Variants in NET1 observed in about 807,000 individuals in gnomAD.
NET1 encodes the protein neuroepithelial cell-transforming gene 1 protein.
Under a neutral mutation model 61.1 loss-of-function variants are expected in NET1, and 42 were observed. The observed-to-expected ratio is 0.69, with a 90% CI of 0.54 to 0.89. The LOEUF (loss-of-function observed/expected upper bound fraction) is 0.89, where lower values mean the gene tolerates loss of function less well. Among genes scored for constraint, NET1 ranks in the 40% least tolerant of loss-of-function variants. NET1 has a pLI of 0.00. For missense variants in NET1, 654 were observed against 747.3 expected (o/e 0.88, Z 1.46); for synonymous variants, 254 against 281.8 (o/e 0.90, Z 0.99).
Position 5,454,799 on chromosome 10 carries a change from TA to T in NET1, c.1027-145del. On this transcript the variant is annotated intron_variant, in intron 9 of 11. Transcript: ENST00000355029. This position sits in a 1 kb window ranked among gnomAD's most constrained non-coding sequence, Gnocchi z 8.1. ...TTGGCTAGGACTGTTTCTTGATCTA[TA>T]AAATGAACAGACTGGCAGAATTAAC... 2 of 796,752 alleles carry T rather than the reference TA, an allele frequency of 2.5e-6. No homozygotes were observed. Among genetic ancestry groups the T allele is most frequent in the Non-Finnish European group, 3.9e-6 (2 of 510,702 alleles). 49.4% of individuals were successfully genotyped at this position (796,752 alleles called of 1,614,324 possible).
At chr10:5,414,892 C>T (rs992517471) in intron 1 of NET1, among the ~76,000 whole-genome samples, 4 of 152,140 alleles carry the variant, frequency 2.6e-5, no homozygotes, top group Non-Finnish European at 5.9e-5. Context: ...AGGACTTTCC[C>T]ACCAGGCCTC....
chr10:5,414,905 T>A (rs558585610), intron 1 of NET1, among the ~76,000 whole-genome samples: 1 of 152,326 alleles, frequency 6.6e-6, no homozygotes, highest in South Asian at 2.1e-4. Flanking sequence ...CAGGCCTCTA[T>A]TTTTTGTGTG....
rs764827482 is a variant in NET1, at chr10:5,455,305, A to T, written c.1197+187A>T. On this transcript the variant is annotated intron_variant, in intron 10 of 11. Coordinates refer to ENST00000355029, the MANE Select transcript of NET1 (RefSeq NM_001047160.3). This position sits in a 1 kb window ranked among gnomAD's most constrained non-coding sequence, Gnocchi z 6.5. The stretch of plus-strand genomic sequence containing the variant: ...AGATACCTTAAATGTCTCAGTGGAG[A>T]ATCAGTAATACTTTATTTTTTAGTT... Among the ~76,000 whole-genome samples, 10 of 152,220 alleles carry T rather than the reference A, an allele frequency of 6.6e-5. No individual in the cohort carries two copies. Among genetic ancestry groups the T allele is most frequent in the Non-Finnish European group, 1.2e-4 (8 of 68,038 alleles).
chr10:5,426,829 G>A lies in NET1; in HGVS notation c.195+108G>A. ...TGGTCCTTACTTCTGAGGGTCTTGA[G>A]GAACAGAATTCCTGTAACCATCTTT... On this transcript the variant is annotated intron_variant, in intron 2 of 11. Coordinates refer to ENST00000355029, the MANE Select transcript of NET1 (RefSeq NM_001047160.3). The surrounding 1 kb of genome is among the most constrained non-coding windows in gnomAD (Gnocchi z 4.6). The A allele has an allele frequency of 1.5e-6, 1 of 649,794 alleles. No homozygotes were observed. The highest frequency in any genetic ancestry group is 2.5e-6 in the Non-Finnish European group (1 of 406,668). 40.3% of individuals were successfully genotyped at this position (649,794 alleles called of 1,614,324 possible).
In NET1 at chr10:5,447,278, G is replaced by C. The variant is rs1234853562; in HGVS notation, c.256-4552G>C. Among the ~76,000 whole-genome samples the C allele has an allele frequency of 6.6e-6, 1 of 152,076 alleles. No individual in the cohort carries two copies. Among genetic ancestry groups the C allele is most frequent in the African/African-American group, 2.4e-5 (1 of 41,402 alleles). On this transcript the variant is annotated intron_variant, in intron 3 of 11. Transcript: ENST00000355029. The surrounding 1 kb of genome is among the most constrained non-coding windows in gnomAD (Gnocchi z 4.1). ...TGCAACTAAAGTTTAGTCTGACCTG[G>C]TGTGCATTTTTCTTCCATCTGATGA...
In NET1 at chr10:5,458,221, A is replaced by G. The variant is rs1263273254; in HGVS notation, c.*1227A>G. 7 of 152,224 alleles carry G rather than the reference A, an allele frequency of 4.6e-5. No homozygotes were observed. The allele number at this position is 152,224 out of a possible 1,614,324, so 9.4% of individuals were successfully genotyped here. A position where few individuals can be genotyped will look rare whatever the true frequency, so the allele number is the denominator to read the frequency against. On this transcript the variant is annotated 3_prime_UTR_variant, in exon 12 of 12. Coordinates refer to ENST00000355029, the MANE Select transcript of NET1 (RefSeq NM_001047160.3). This position sits in a 1 kb window ranked among gnomAD's most constrained non-coding sequence, Gnocchi z 4.5. The stretch of plus-strand genomic sequence containing the variant: ...CGTGGATTTAGTCATAAGATGGAAA[A>G]AGACTGGTGAATCTTTTATTACAAA...
At chr10:5,448,181 AT>A (rs1415719632) in intron 3 of NET1, among the ~76,000 whole-genome samples, 1 of 151,970 alleles carries the variant, frequency 6.6e-6, no homozygotes, top group Non-Finnish European at 1.5e-5. Flanking sequence ...GGTGCATACT[AT>A]TTTTTTTATT....
intron 2 of NET1, among the ~76,000 whole-genome samples, chr10:5,428,776 G>C (rs1832301128): frequency 6.7e-6 from 1 of 150,182 alleles, no homozygotes; most frequent in Admixed American, 6.6e-5. Flanking sequence ...AGGCTGGAGT[G>C]CAGTGGCGCA....
Position 5,452,885 on chromosome 10 carries a change from C to G in NET1, c.559C>G (p.Gln187Glu). The G allele has an allele frequency of 6.2e-7, 1 of 1,613,564 alleles. No homozygotes were observed. Among genetic ancestry groups the G allele is most frequent in the Non-Finnish European group, 8.5e-7 (1 of 1,179,664 alleles). ...AATATATGAAATGTCCCGAGGTGAACAGGATTTAATTGAGGATCTCAAACT... is the reference window on the plus strand; with the variant it reads ...AATATATGAAATGTCCCGAGGTGAAGAGGATTTAATTGAGGATCTCAAACT... Reference protein sequence around the residue: ...EAIYEMSRGEQDLIEDLKLAR... With the variant: ...EAIYEMSRGEEDLIEDLKLAR... Residue 187 changes from glutamine (Q) to glutamate (E), a missense_variant, in exon 6 of 12, where the codon CAG (glutamine) becomes GAG (glutamate). Gln to Glu is a conservative substitution (Grantham distance 29, BLOSUM62 2). Transcript: ENST00000355029. This position sits in a 1 kb window ranked among gnomAD's most constrained non-coding sequence, Gnocchi z 4.0.
Position 5,453,638 on chromosome 10 carries a change from G to T in NET1, c.768+78G>T. ...TGCAGTTTCTGATGAATATGAGACA[G>T]ATTTGATCCCACAACTCTGTTCTAC... On this transcript the variant is annotated intron_variant, in intron 8 of 11. Transcript: ENST00000355029. The surrounding 1 kb of genome is among the most constrained non-coding windows in gnomAD (Gnocchi z 4.9). The T allele has an allele frequency of 8.1e-7, 1 of 1,235,402 alleles. No individual in the cohort carries two copies. The highest frequency in any genetic ancestry group is 1.2e-6 in the Non-Finnish European group (1 of 836,778). 76.5% of individuals were successfully genotyped at this position (1,235,402 alleles called of 1,614,324 possible). A position where few individuals can be genotyped will look rare whatever the true frequency, so the allele number is the denominator to read the frequency against.
rs760521001 is a variant in NET1, at chr10:5,440,562, G to A, written c.256-11268G>A. ...TGTGCAGTCCGTAACTCTGATGGCT[G>A]ATCTCTGCATTTTCTCCTGGTGTGC... On this transcript the variant is annotated intron_variant, in intron 3 of 11. Coordinates refer to ENST00000355029, the MANE Select transcript of NET1 (RefSeq NM_001047160.3). The surrounding 1 kb of genome is among the most constrained non-coding windows in gnomAD (Gnocchi z 4.1). Among the ~76,000 whole-genome samples, 4 of 152,182 alleles carry A rather than the reference G, an allele frequency of 2.6e-5. No individual in the cohort carries two copies. The highest frequency in any genetic ancestry group is 4.4e-5 in the Non-Finnish European group (3 of 68,038).
At chr10:5,429,591 TG>T (rs1441487077) in intron 3 of NET1, among the ~76,000 whole-genome samples, 1 of 152,210 alleles carries the variant, frequency 6.6e-6, no homozygotes, top group East Asian at 1.9e-4. Flanking sequence ...TGTCAAAACC[TG>T]GATTTTTATG....
At position 5,437,454 on chromosome 10, in the gene NET1, CATATTAAA is replaced by C. The variant is rs1832454978; in HGVS notation, c.255+8227_255+8234del. Among the ~76,000 whole-genome samples, 1 of 151,956 alleles carries C rather than the reference CATATTAAA, an allele frequency of 6.6e-6. No homozygotes were observed. Among genetic ancestry groups the C allele is most frequent in the Non-Finnish European group, 1.5e-5 (1 of 67,968 alleles). On this transcript the variant is annotated intron_variant, in intron 3 of 11. Transcript: ENST00000355029. The surrounding 1 kb of genome is among the most constrained non-coding windows in gnomAD (Gnocchi z 4.3). Reference sequence around the variant, plus strand: ...ATTTTTGTATATTTCTAATTTTTTTCATATTAAAAACAGTGCTGTACTTTACCTTCTGG... The same window carrying C: ...ATTTTTGTATATTTCTAATTTTTTTCAACAGTGCTGTACTTTACCTTCTGG...
rs1322080495 is a variant in NET1, at chr10:5,415,294, T to C, written c.128+2474T>C. 6.6e-6 allele frequency among the ~76,000 whole-genome samples: 1 copy of C among 152,160 alleles called. No individual in the cohort carries two copies. Among genetic ancestry groups the C allele is most frequent in the Non-Finnish European group, 1.5e-5 (1 of 68,012 alleles). On this transcript the variant is annotated intron_variant, in intron 1 of 11. Coordinates refer to ENST00000355029, the MANE Select transcript of NET1 (RefSeq NM_001047160.3). This position sits in a 1 kb window ranked among gnomAD's most constrained non-coding sequence, Gnocchi z 4.7. ...ATTTTCATCACCTCAAAAAGAGCATTTGTACCCTTTAGCTATTGTTCCTCT... is the reference window on the plus strand; with the variant it reads ...ATTTTCATCACCTCAAAAAGAGCATCTGTACCCTTTAGCTATTGTTCCTCT...
chr10:5,455,991 C>G lies in NET1; in HGVS notation c.1198-96C>G. The G allele has an allele frequency of 8.2e-7, 1 of 1,224,492 alleles. No homozygotes were observed. Among genetic ancestry groups the G allele is most frequent in the Non-Finnish European group, 1.1e-6 (1 of 888,560 alleles). The allele number at this position is 1,224,492 out of a possible 1,614,324, so 75.9% of individuals were successfully genotyped here. A position where few individuals can be genotyped will look rare whatever the true frequency, so the allele number is the denominator to read the frequency against. On this transcript the variant is annotated intron_variant, in intron 10 of 11. Coordinates refer to ENST00000355029, the MANE Select transcript of NET1 (RefSeq NM_001047160.3). This position sits in a 1 kb window ranked among gnomAD's most constrained non-coding sequence, Gnocchi z 6.5. Reference sequence around the variant, plus strand: ...TTAGAGAGATCTTCGAAAAATAAATCTGATGAAATTAATAATGTCGAGTTA... The same window carrying G: ...TTAGAGAGATCTTCGAAAAATAAATGTGATGAAATTAATAATGTCGAGTTA...
Position 5,431,978 on chromosome 10 carries a change from T to C in NET1, c.255+2749T>C, listed in dbSNP as rs1288488021. Among the ~76,000 whole-genome samples, 1 of 152,208 alleles carries C rather than the reference T, an allele frequency of 6.6e-6. No individual in the cohort carries two copies. Among genetic ancestry groups the C allele is most frequent in the African/African-American group, 2.4e-5 (1 of 41,458 alleles). On this transcript the variant is annotated intron_variant, in intron 3 of 11. Transcript: ENST00000355029. This position sits in a 1 kb window ranked among gnomAD's most constrained non-coding sequence, Gnocchi z 4.9. ...GGATGCTGTTTCAGGATGGTTCCTG[T>C]GTCCTTTTGACATGACCTTTATCTC...
intron 3 of NET1, among the ~76,000 whole-genome samples, chr10:5,436,579 A>G (rs1246743896): frequency 6.6e-6 from 1 of 151,938 alleles, no homozygotes; most frequent in African/African-American, 2.4e-5. Flanking sequence ...CCATTTTTAG[A>G]TTAAACATAA....
chr10:5,436,249 T>TATATATATA (rs1491369503), intron 3 of NET1, among the ~76,000 whole-genome samples: 7 of 7,114 alleles, frequency 9.8e-4, no homozygotes, highest in South Asian at 5.8e-3. Context: ...TATATATATA[T>TATATATATA]TTTTTTTTTT....
At chr10:5,436,242 ATATATAT>A (rs1832434479) in intron 3 of NET1, among the ~76,000 whole-genome samples, 1 of 23,490 alleles carries the variant, frequency 4.3e-5, no homozygotes, top group Non-Finnish European at 9.1e-5. Flanking sequence ...ATATATATAT[ATATATAT>A]TTTTTTTTTT....
Sources: gnomAD v4.1 joint callset for allele counts (sites outside exome capture counted in the v4.1 genomes callset) on GRCh38, gnomAD v4.1.1 for gene constraint, Gnocchi (gnomAD v3.1) non-coding constraint, MANE v1.5 for transcripts, NCBI Gene and HGNC (gene_info 2026-07-23, HGNC 2026-07-21) for gene names.